The following NTM variants were observed in gnomAD, a reference collection of about 807,000 sequenced individuals.
NTM encodes IgLON family member 2.
NTM carries 13 observed loss-of-function variants against 42.1 expected under a neutral mutation model. That is an observed-to-expected ratio of 0.31 (90% CI 0.20 to 0.49). The LOEUF is 0.49. Among genes scored for constraint, NTM ranks in the 20% least tolerant of loss-of-function variants. The pLI, the probability that NTM is intolerant of heterozygous loss-of-function variation, is 0.99. For synonymous variants in NTM, 187 were observed against 179.2 expected (o/e 1.04, Z -0.35); for missense variants, 373 against 452.8 (o/e 0.82, Z 1.60).
chr11:131,543,145 A>G (rs958757219), intron 1 of NTM, among the ~76,000 whole-genome samples: 2 of 152,172 alleles, frequency 1.3e-5, no homozygotes, highest in Admixed American at 6.5e-5. Context: ...GCCAGTTGAA[A>G]CGCTGCCATT....
chr11:132,299,717 C>A (rs1242901399), intron 4 of NTM, among the ~76,000 whole-genome samples: 1 of 152,152 alleles, frequency 6.6e-6, no homozygotes, highest in East Asian at 1.9e-4. Context: ...TGTTTGTTAT[C>A]AACTGTGTGA....
chr11:132,309,209 C>A (rs889528681), intron 5 of NTM, among the ~76,000 whole-genome samples: 2 of 152,088 alleles, frequency 1.3e-5, no homozygotes, highest in African/African-American at 2.4e-5. Flanking sequence ...TTTCATAATA[C>A]CCTTTAATAT....
At chr11:131,739,263 A>G (rs2080875369) in intron 1 of NTM, among the ~76,000 whole-genome samples, 1 of 152,048 alleles carries the variant, frequency 6.6e-6, no homozygotes, top group African/African-American at 2.4e-5. Context: ...TTTTGTTGGA[A>G]TGAAATAAAC....
intron 2 of NTM, among the ~76,000 whole-genome samples, chr11:131,990,270 A>G (rs1474084026): frequency 6.6e-6 from 1 of 152,176 alleles, no homozygotes; most frequent in African/African-American, 2.4e-5. Context: ...AGTACTCTTC[A>G]TAATGTGGCC....
chr11:131,726,988 C>T (rs1315054761), intron 1 of NTM, among the ~76,000 whole-genome samples: 1 of 151,396 alleles, frequency 6.6e-6, no homozygotes. Context: ...AGCACCCAGC[C>T]CATGCCATTG....
chr11:131,915,307 T>A (rs540096170), intron 2 of NTM, among the ~76,000 whole-genome samples: 2 of 152,292 alleles, frequency 1.3e-5, no homozygotes, highest in South Asian at 4.2e-4. Flanking sequence ...CTGTGGCACT[T>A]AATGTCTTCC....
At chr11:131,965,046 A>G (rs1334925085) in intron 2 of NTM, among the ~76,000 whole-genome samples, 1 of 152,064 alleles carries the variant, frequency 6.6e-6, no homozygotes, top group African/African-American at 2.4e-5. Flanking sequence ...CCTGGGGAAG[A>G]AAAGGGAGGA....
rs551866560 is a variant in NTM at position 131,442,409 on chromosome 11, A to T, written c.82+71521A>T. 2.6e-5 allele frequency among the ~76,000 whole-genome samples: 4 copies of T among 152,310 alleles called. No homozygotes were observed. In the East Asian group the frequency reaches 7.7e-4, roughly 29 times the overall value. On this transcript the variant is annotated intron_variant, in intron 1 of 8. Coordinates refer to ENST00000683400, the MANE Select transcript of NTM (RefSeq NM_001352005.2). ...GAGGGGACATGACAGCTTTCAGTGCATGGTCAAATTCTTTTTATTTTATTT... is the reference window on the plus strand; with the variant it reads ...GAGGGGACATGACAGCTTTCAGTGCTTGGTCAAATTCTTTTTATTTTATTT...
rs561277816 is a variant in NTM, at chr11:132,299,137, T to TAAAA, written c.527-8547_527-8544dup. On this transcript the variant is annotated intron_variant, in intron 4 of 8. Transcript: ENST00000683400. ...AATGAAACCCCGTCTCTACTGAAAA[T>TAAAA]AAAAAAAATTAGCTGGGCGTGGTGG... is the stretch of plus-strand genomic sequence containing the variant. Among the ~76,000 whole-genome samples the TAAAA allele has an allele frequency of 2.2e-3, 301 of 137,094 alleles. 2 individuals carry two copies. Among genetic ancestry groups the TAAAA allele is most frequent in the African/African-American group, 8.2e-3 (288 of 35,206 alleles). 89.9% of individuals were successfully genotyped at this position (137,094 alleles called of 152,430 possible).
At chr11:131,956,575 C>A (rs991976698) in intron 2 of NTM, among the ~76,000 whole-genome samples, 10 of 151,336 alleles carry the variant, frequency 6.6e-5, no homozygotes, top group African/African-American at 2.4e-4. Context: ...ACTGCCGAGA[C>A]TGGGTTCCTT....
intron 1 of NTM, among the ~76,000 whole-genome samples, chr11:131,453,243 G>T (rs913150087): frequency 1.3e-5 from 2 of 152,186 alleles, no homozygotes; most frequent in Non-Finnish European, 2.9e-5. Context: ...GAGATGGGAG[G>T]TTGGGACATA....
chr11:131,619,945 C>T (rs1302988302), intron 1 of NTM, among the ~76,000 whole-genome samples: 1 of 151,896 alleles, frequency 6.6e-6, no homozygotes, highest in Non-Finnish European at 1.5e-5. Context: ...GCTGGGATTA[C>T]AGGCACACAC....
At chr11:131,799,678 C>A (rs1227979563) in intron 1 of NTM, among the ~76,000 whole-genome samples, 1 of 152,068 alleles carries the variant, frequency 6.6e-6, no homozygotes, top group Non-Finnish European at 1.5e-5. Flanking sequence ...GATAGCTGAT[C>A]CAAGCAGTAA....
rs1453033614 is a variant in NTM, at chr11:132,325,928, A to C, written c.935-4225A>C. ...AAACTATCGCAAGGACAAAAAACCA[A>C]ACACCGCGTGTTCTCACTCATAGGT... On this transcript the variant is annotated intron_variant, in intron 7 of 8. Transcript: ENST00000683400. Among the ~76,000 whole-genome samples the C allele has an allele frequency of 2.6e-5, 4 of 152,158 alleles. No individual in the cohort carries two copies. The South Asian group carries it at 8.3e-4, about 32-fold the overall frequency.
intron 1 of NTM, among the ~76,000 whole-genome samples, chr11:131,761,051 T>A (rs2084084278): frequency 6.6e-6 from 1 of 151,494 alleles, no homozygotes; most frequent in Non-Finnish European, 1.5e-5. Flanking sequence ...TTAAATAAGA[T>A]GTTTCTCATG....
chr11:132,247,395 G>T (rs1039422634), intron 4 of NTM, among the ~76,000 whole-genome samples: 1 of 152,182 alleles, frequency 6.6e-6, no homozygotes, highest in Non-Finnish European at 1.5e-5. Flanking sequence ...CAAAAATGGG[G>T]ATCATAACTT....
intron 1 of NTM, among the ~76,000 whole-genome samples, chr11:131,552,164 G>C (rs2054757411): frequency 6.6e-6 from 1 of 152,154 alleles, no homozygotes; most frequent in African/African-American, 2.4e-5. Context: ...GAGAGAGACA[G>C]GGTCAGGAAA....
At chr11:131,952,373 C>T (rs1423624560) in intron 2 of NTM, among the ~76,000 whole-genome samples, 2 of 152,154 alleles carry the variant, frequency 1.3e-5, no homozygotes, top group African/African-American at 4.8e-5. Context: ...CAAGTTTAAA[C>T]TTATTTGTAT....
chr11:132,212,006 T>C lies in NTM; in HGVS notation c.401-16T>C, dbSNP rs139702141. ...TTCAGGAGGATTTTTATTTTCATTC[T>C]GTCTTGTTTCCACAGTATCTCCCAA... is the stretch of plus-strand genomic sequence containing the variant. On this transcript the variant is annotated splice_polypyrimidine_tract_variant and intron_variant, in intron 3 of 8. Coordinates refer to ENST00000683400, the MANE Select transcript of NTM (RefSeq NM_001352005.2). 552 of 1,601,494 alleles carry C rather than the reference T, an allele frequency of 3.4e-4. 15 individuals carry two copies. The East Asian group carries it at 0.012, about 35-fold the overall frequency.
Sources: gnomAD v4.1 joint callset for allele counts (sites outside exome capture counted in the v4.1 genomes callset) on GRCh38, gnomAD v4.1.1 for gene constraint, MANE v1.5 for transcripts, NCBI Gene and HGNC (gene_info 2026-07-23, HGNC 2026-07-21) for gene names.